The following PTPRU variants were observed in gnomAD, a reference collection of about 807,000 sequenced individuals.
The protein encoded by PTPRU is receptor-type tyrosine-protein phosphatase U.
A neutral mutation model predicts 166.3 loss-of-function variants in PTPRU; 69 were observed. That is an observed-to-expected ratio of 0.41 (90% CI 0.34 to 0.51). The LOEUF is 0.51. Ranked by LOEUF, PTPRU falls within the 20% of genes least tolerant of loss-of-function variation. The pLI, the probability that PTPRU is intolerant of heterozygous loss-of-function variation, is 0.09. For synonymous variants in PTPRU, 793 were observed against 814.0 expected (o/e 0.97, Z 0.44); for missense variants, 1,657 against 2,013.7 (o/e 0.82, Z 3.39).
chr1:29,307,442 C>T (rs1687444210), intron 18 of PTPRU, among the ~76,000 whole-genome samples: 1 of 152,284 alleles, frequency 6.6e-6, no homozygotes, highest in African/African-American at 2.4e-5. Context: ...TCACAACAGT[C>T]TGTCACCTTC....
At chr1:29,308,078 T>TA (rs1445700529) in intron 18 of PTPRU, among the ~76,000 whole-genome samples, 29 of 151,948 alleles carry the variant, frequency 1.9e-4, no homozygotes, top group Non-Finnish European at 4.0e-4. Context: ...CTTTTAAAAT[T>TA]AAAAAAACTA....
At chr1:29,313,007 G>C (rs1250534120) in intron 22 of PTPRU, among the ~76,000 whole-genome samples, 1 of 152,228 alleles carries the variant, frequency 6.6e-6, no homozygotes, top group Admixed American at 6.5e-5. Context: ...AGTTCTGCCT[G>C]CTTTCAGTAA....
chr1:29,302,197 C>T (rs1405851969), intron 15 of PTPRU, among the ~76,000 whole-genome samples: 1 of 141,240 alleles, frequency 7.1e-6, no homozygotes, highest in African/African-American at 2.7e-5. Context: ...TAGTTTTTAA[C>T]AAAAAAAATT....
chr1:29,310,722 G>T (rs748985798), intron 18 of PTPRU, 22 bp from the exon 19 acceptor site: 2 of 1,611,630 alleles, frequency 1.2e-6, no homozygotes, highest in African/African-American at 2.7e-5. Context: ...GGGTCTAACC[G>T]TGCCCTCTCC....
intron 7 of PTPRU, 37 bp from the exon 8 acceptor site, chr1:29,275,411 C>T (rs1020414572): frequency 6.5e-7 from 1 of 1,546,066 alleles, no homozygotes; most frequent in African/African-American, 1.4e-5. Context: ...CTTCCCATTT[C>T]TTCTAACTTC....
chr1:29,279,152 C>T lies in PTPRU; in HGVS notation c.1563+31C>T, dbSNP rs1438423763. 1.3e-6 allele frequency: 2 copies of T among 1,510,090 alleles called. No homozygotes were observed. Among genetic ancestry groups the T allele is most frequent in the African/African-American group, 1.4e-5 (1 of 72,140 alleles). 93.5% of individuals were successfully genotyped at this position (1,510,090 alleles called of 1,614,324 possible). On this transcript the variant is annotated intron_variant, in intron 9 of 29. Coordinates refer to ENST00000373779, the MANE Select transcript of PTPRU (RefSeq NM_133178.4). The surrounding 1 kb of genome is among the most constrained non-coding windows in gnomAD (Gnocchi z 5.2). ...TTTGGGACCCTATTACAGTGGGGGA[C>T]CCTGGTGGAAGGTGAGAGGTGGCCC... is the stretch of plus-strand genomic sequence containing the variant.
rs754407171 is a variant in PTPRU, at chr1:29,311,758, G to A, written c.3071G>A (p.Arg1024Gln). 4.3e-6 allele frequency: 7 copies of A among 1,613,258 alleles called. No homozygotes were observed. The highest frequency in any genetic ancestry group is 2.2e-5 in the East Asian group (1 of 44,896). ...EYVVRTFALE[R>Q]RGYSARHEVR... ...GTCGTGCGCACTTTTGCCCTGGAGC[G>A]GGTGAGTCTCCCCACCGCCTGTTCC... The change falls in exon 21 of 30, where the codon CGG (arginine) becomes CAG (glutamine). Residue 1024 changes from arginine (R) to glutamine (Q), a missense_variant and splice_region_variant. Arg to Gln is a conservative substitution (Grantham distance 43, BLOSUM62 1). This residue lies in a region of PTPRU where 1,190 missense variants were observed against 1,477.4 expected (regional missense o/e 0.81). Transcript: ENST00000373779. The surrounding 1 kb of genome is among the most constrained non-coding windows in gnomAD (Gnocchi z 4.1).
chr1:29,297,093 G>A lies in PTPRU; in HGVS notation c.2476+5067G>A, dbSNP rs866091050. 3.0e-5 allele frequency among the ~76,000 whole-genome samples: 4 copies of A among 132,090 alleles called. 1 individual carries two copies. The Middle Eastern group carries it at 0.013, about 438-fold the overall frequency. The allele number at this position is 132,090 out of a possible 152,430, so 86.7% of individuals were successfully genotyped here. On this transcript the variant is annotated intron_variant, in intron 15 of 29. Transcript: ENST00000373779. ...TTTTGAAACAGGGTCTCACTGTGTC[G>A]CCCAGGCTGGAGTGCAGTGGTGCAA...
chr1:29,239,393 C>G (rs1683937025), intron 1 of PTPRU, among the ~76,000 whole-genome samples: 2 of 152,278 alleles, frequency 1.3e-5, no homozygotes, highest in African/African-American at 4.8e-5. Flanking sequence ...GGAGTGGCTG[C>G]CCAGTGGTTT....
intron 18 of PTPRU, chr1:29,307,084 T>C (rs1413907474): frequency 1.9e-6 from 3 of 1,606,588 alleles, no homozygotes; most frequent in Admixed American, 1.7e-5. Context: ...TGGCCTAATA[T>C]CTGTCTCTTT....
chr1:29,307,218 C>G, intron 18 of PTPRU: 3 of 1,515,538 alleles, frequency 2.0e-6, no homozygotes, highest in South Asian at 1.1e-5. Context: ...ATCTCAGACT[C>G]TCTCACGGTC....
intron 2 of PTPRU, among the ~76,000 whole-genome samples, chr1:29,256,580 A>T (rs1216617388): frequency 6.6e-6 from 1 of 152,114 alleles, no homozygotes; most frequent in Non-Finnish European, 1.5e-5. Flanking sequence ...GCGGACTCTC[A>T]TGGCTTGCCC....
intron 29 of PTPRU, 31 bp downstream of exon 29, chr1:29,325,357 T>G: frequency 1.2e-6 from 2 of 1,611,470 alleles, no homozygotes; most frequent in South Asian, 2.2e-5. Context: ...CCCAGCCACT[T>G]CCACCTTCCT....
At chr1:29,240,331 G>A (rs1008253640) in intron 1 of PTPRU, among the ~76,000 whole-genome samples, 1 of 152,188 alleles carries the variant, frequency 6.6e-6, no homozygotes, top group African/African-American at 2.4e-5. Flanking sequence ...TGAGGACAGA[G>A]ACTGGGTTTT....
Position 29,282,698 on chromosome 1 carries a change from G to C in PTPRU, c.1891G>C (p.Glu631Gln). Residue 631 changes from glutamate to glutamine, a missense_variant, in exon 12 of 30, where the codon GAG becomes CAG. Around this residue, in one of 3 missense-constraint regions of PTPRU, gnomAD observed 1,190 missense variants for 1,477.4 expected, o/e 0.81. Coordinates refer to ENST00000373779, the MANE Select transcript of PTPRU (RefSeq NM_133178.4). ...CAGTGTGTACCAGGTGATTGTGGAG[G>C]AGGAGCGGGCGCGGAGGCTGCGGCG... is the stretch of plus-strand genomic sequence containing the variant. ...PISVYQVIVE[E>Q]ERARRLRREP... The C allele has an allele frequency of 6.2e-7, 1 of 1,612,790 alleles. No individual in the cohort carries two copies. Among genetic ancestry groups the C allele is most frequent in the Non-Finnish European group, 8.5e-7 (1 of 1,179,904 alleles).
chr1:29,262,291 T>C (rs539240616), intron 7 of PTPRU, among the ~76,000 whole-genome samples: 4 of 152,376 alleles, frequency 2.6e-5, no homozygotes, highest in South Asian at 2.1e-4. Flanking sequence ...ATTGGCTTTT[T>C]TTGGATAACA....
intron 14 of PTPRU, chr1:29,289,556 TG>T: frequency 8.8e-7 from 1 of 1,132,742 alleles, no homozygotes; most frequent in Non-Finnish European, 1.3e-6. Context: ...GTTCAGTCCC[TG>T]GCCAGCCCCC....
chr1:29,258,886 GT>G lies in PTPRU; in HGVS notation c.477+111del, dbSNP rs1211650074. 1.6e-3 allele frequency: 2,326 copies of G among 1,440,418 alleles called. 34 individuals carry two copies. In the African/African-American group the frequency reaches 0.03, roughly 19 times the overall value. The allele number at this position is 1,440,418 out of a possible 1,614,324, so 89.2% of individuals were successfully genotyped here. A position where few individuals can be genotyped will look rare whatever the true frequency, so the allele number is the denominator to read the frequency against. On this transcript the variant is annotated intron_variant, in intron 3 of 29. Coordinates refer to ENST00000373779, the MANE Select transcript of PTPRU (RefSeq NM_133178.4). The stretch of plus-strand genomic sequence containing the variant: ...TGAAGTTAGAATGTGTCTGCATTCA[GT>G]ATCAGAGGCAACCTGTGGTCAAGGC...
chr1:29,283,140 C>T (rs538396867), intron 12 of PTPRU, among the ~76,000 whole-genome samples, 191 bp downstream of exon 12: 2 of 151,106 alleles, frequency 1.3e-5, no homozygotes, highest in East Asian at 3.9e-4. Context: ...GTAGCCCCAC[C>T]TCCCATAGCC....
Sources: allele counts gnomAD v4.1 joint callset (sites outside exome capture counted in the v4.1 genomes callset), GRCh38; gene constraint gnomAD v4.1.1; regional missense constraint gnomAD v4.1.1; non-coding constraint Gnocchi (gnomAD v3.1); transcripts MANE v1.5; gene names NCBI Gene and HGNC (gene_info 2026-07-23, HGNC 2026-07-21).